TMEM132C: variants seen among roughly 807,000 people sequenced by gnomAD.
The protein encoded by TMEM132C is transmembrane protein 132C, also known as protein phosphatase 1, regulatory subunit 152.
Under a neutral mutation model 61.4 loss-of-function variants are expected in TMEM132C, and 29 were observed. The ratio of observed to expected loss-of-function variants is 0.47; its 90% CI spans 0.35 to 0.64. The LOEUF (loss-of-function observed/expected upper bound fraction) is 0.64, where lower values mean the gene tolerates loss of function less well. Among genes scored for constraint, TMEM132C ranks in the 30% least tolerant of loss-of-function variants. TMEM132C has a pLI of 0.00. For missense variants in TMEM132C, 1,408 were observed against 1,476.9 expected (o/e 0.95, Z 0.76); for synonymous variants, 656 against 633.1 (o/e 1.04, Z -0.54).
chr12:128,522,941 G>A (rs1872956011), intron 2 of TMEM132C, among the ~76,000 whole-genome samples: 1 of 152,144 alleles, frequency 6.6e-6, no homozygotes, highest in Admixed American at 6.5e-5. Context: ...AGAACTCAAA[G>A]AGATAGTTAC....
intron 4 of TMEM132C, among the ~76,000 whole-genome samples, chr12:128,665,831 TCACA>T (rs199957195): frequency 1.7e-4 from 4 of 23,864 alleles, no homozygotes; most frequent in African/African-American, 8.0e-4. Flanking sequence ...TCACAGGCAC[TCACA>T]CAAACACAGG....
At chr12:128,508,993 C>T (rs1444282807) in intron 2 of TMEM132C, among the ~76,000 whole-genome samples, 1 of 152,194 alleles carries the variant, frequency 6.6e-6, no homozygotes, top group Non-Finnish European at 1.5e-5. Context: ...TCTGCAAATC[C>T]AGGCCCCAGT....
intron 2 of TMEM132C, among the ~76,000 whole-genome samples, chr12:128,518,040 T>C (rs2054212): frequency 0.99 from 150,291 of 152,336 alleles, 74,170 homozygotes; most frequent in Middle Eastern, 1. Flanking sequence ...AGCAGAAGTC[T>C]TCACCCTTAG....
At chr12:128,534,416 C>A (rs1565965595) in intron 2 of TMEM132C, among the ~76,000 whole-genome samples, 2 of 152,220 alleles carry the variant, frequency 1.3e-5, no homozygotes, top group Non-Finnish European at 2.9e-5. Context: ...CATGGGAAAT[C>A]ATCTCCCAAG....
chr12:128,289,008 T>C (rs952189973), intron 1 of TMEM132C: 4 of 152,282 alleles, frequency 2.6e-5, no homozygotes, highest in Middle Eastern at 3.4e-3. Flanking sequence ...CTCATGCTCA[T>C]TAGCGCACAC....
At chr12:128,323,376 G>A (rs1872398147) in intron 1 of TMEM132C, among the ~76,000 whole-genome samples, 1 of 152,240 alleles carries the variant, frequency 6.6e-6, no homozygotes, top group Admixed American at 6.5e-5. Flanking sequence ...GGCCTAAAAG[G>A]AGAGATTGTC....
chr12:128,322,496 A>C (rs543437358), intron 1 of TMEM132C, among the ~76,000 whole-genome samples: 17 of 152,376 alleles, frequency 1.1e-4, no homozygotes, highest in Admixed American at 2.6e-4. Context: ...TCCAAACACT[A>C]CACACAGTGG....
chr12:128,578,591 TG>T (rs1475896171), intron 3 of TMEM132C, among the ~76,000 whole-genome samples: 18 of 148,686 alleles, frequency 1.2e-4, no homozygotes, highest in African/African-American at 4.6e-4. Context: ...AAGAGGTTTT[TG>T]TTGTTGTTGT....
chr12:128,645,297 GGCC>G (rs1954187783), intron 4 of TMEM132C, among the ~76,000 whole-genome samples: 1 of 152,042 alleles, frequency 6.6e-6, no homozygotes, highest in Admixed American at 6.6e-5. Flanking sequence ...ACCCAGGCTG[GGCC>G]AACTGGGTCT....
At chr12:128,343,485 C>T (rs1447433148) in intron 1 of TMEM132C, among the ~76,000 whole-genome samples, 1 of 151,302 alleles carries the variant, frequency 6.6e-6, no homozygotes, top group Non-Finnish European at 1.5e-5. Flanking sequence ...TAACTCTATA[C>T]TGTTACCAGT....
chr12:128,408,806 A>G (rs1047487412), intron 1 of TMEM132C, among the ~76,000 whole-genome samples: 7 of 152,172 alleles, frequency 4.6e-5, no homozygotes, highest in Non-Finnish European at 8.8e-5. Context: ...TATTTCTTTG[A>G]AAAGCCATCT....
intron 2 of TMEM132C, among the ~76,000 whole-genome samples, chr12:128,417,265 T>C (rs1868812733): frequency 6.6e-6 from 1 of 152,078 alleles, no homozygotes; most frequent in African/African-American, 2.4e-5. Flanking sequence ...GCATGCTAAG[T>C]AGTTGTAAAA....
At chr12:128,406,529 G>A (rs1230159591) in intron 1 of TMEM132C, among the ~76,000 whole-genome samples, 2 of 152,190 alleles carry the variant, frequency 1.3e-5, no homozygotes, top group East Asian at 1.9e-4. Flanking sequence ...TGGACCTAGT[G>A]TGGAAGTCAG....
In TMEM132C at chr12:128,656,570, C is replaced by A. The variant is rs145918645; in HGVS notation, c.1306-12847C>A. Among the ~76,000 whole-genome samples the A allele has an allele frequency of 7.4e-3, 1,121 of 152,346 alleles. 6 individuals carry two copies. Among genetic ancestry groups the A allele is most frequent in the Non-Finnish European group, 0.011 (780 of 68,030 alleles). On this transcript the variant is annotated intron_variant, in intron 4 of 8. Transcript: ENST00000435159. ...TCTCAACCTTCAACAACATCAGAATCACTGGAGGAATTGGTAAAGCACTGG... is the reference window on the plus strand; with the variant it reads ...TCTCAACCTTCAACAACATCAGAATAACTGGAGGAATTGGTAAAGCACTGG...
intron 2 of TMEM132C, among the ~76,000 whole-genome samples, chr12:128,513,758 T>G (rs1278029057): frequency 3.3e-5 from 5 of 152,172 alleles, no homozygotes; most frequent in African/African-American, 1.2e-4. Flanking sequence ...TATGAGGACT[T>G]TTCCTTTAAT....
At chr12:128,676,362 T>C (rs1954586864) in intron 5 of TMEM132C, among the ~76,000 whole-genome samples, 1 of 150,046 alleles carries the variant, frequency 6.7e-6, no homozygotes, top group South Asian at 2.1e-4. Flanking sequence ...AGTGACGATA[T>C]ACATACATAT....
chr12:128,607,696 T>G (rs2135578240), intron 3 of TMEM132C, among the ~76,000 whole-genome samples: 1 of 152,330 alleles, frequency 6.6e-6, no homozygotes, highest in East Asian at 1.9e-4. Flanking sequence ...ACTCCTCACA[T>G]GACGACTGAT....
chr12:128,669,820 G>A (rs1012193909), intron 5 of TMEM132C, among the ~76,000 whole-genome samples: 19 of 152,236 alleles, frequency 1.2e-4, no homozygotes, highest in African/African-American at 4.6e-4. Flanking sequence ...GCATATACCT[G>A]TATAATGCAC....
At chr12:128,600,184 G>A (rs1199241350) in intron 3 of TMEM132C, among the ~76,000 whole-genome samples, 5 of 152,154 alleles carry the variant, frequency 3.3e-5, no homozygotes, top group African/African-American at 9.6e-5. Flanking sequence ...AGGTTTCACC[G>A]TGTTAGCCAG....
Sources: gnomAD v4.1 joint callset for allele counts (sites outside exome capture counted in the v4.1 genomes callset) on GRCh38, gnomAD v4.1.1 for gene constraint, MANE v1.5 for transcripts, NCBI Gene and HGNC (gene_info 2026-07-23, HGNC 2026-07-21) for gene names.